MAP2: variants seen among roughly 807,000 people sequenced by gnomAD.
The protein encoded by MAP2 is microtubule-associated protein 2.
In MAP2, 14 loss-of-function variants were observed where a neutral mutation model predicts 137.6. That is an observed-to-expected ratio of 0.10 (90% CI 0.07 to 0.16). The LOEUF is 0.16. Among genes scored for constraint, MAP2 ranks in the 10% least tolerant of loss-of-function variants. The pLI is 1.00. For synonymous variants in MAP2, 786 were observed against 782.3 expected, an observed-to-expected ratio of 1.00 and a Z score of -0.08; for missense variants, 2,088 against 2,191.5, an observed-to-expected ratio of 0.95 and a Z score of 0.94.
At chr2:209,588,627 G>A (rs770818088) in intron 3 of MAP2, among the ~76,000 whole-genome samples, 10 of 151,916 alleles carry the variant, frequency 6.6e-5, no homozygotes, top group Admixed American at 1.3e-4. Context: ...CTATTTTCTT[G>A]CTTTTTATAT....
chr2:209,693,114 G>A lies in MAP2; in HGVS notation c.944G>A (p.Ser315Asn). The change falls in exon 8 of 16, where the codon AGT (serine) becomes AAT (asparagine). Residue 315 changes from serine to asparagine, a missense_variant. Ser to Asn is a conservative substitution (Grantham distance 46). Coordinates refer to ENST00000682079, the MANE Select transcript of MAP2 (RefSeq NM_001375505.1). Reference protein sequence around the residue: ...EGKQFDSPMPSPFQGGSFTLP... With the variant: ...EGKQFDSPMPNPFQGGSFTLP... ...AAACAGTTTGATTCTCCCATGCCAAGTCCCTTTCAAGGGGGAAGCTTCACT... is the reference window on the plus strand; with the variant it reads ...AAACAGTTTGATTCTCCCATGCCAAATCCCTTTCAAGGGGGAAGCTTCACT... 1.2e-6 allele frequency: 2 copies of A among 1,612,824 alleles called. No individual in the cohort carries two copies. The highest frequency in any genetic ancestry group is 1.7e-6 in the Non-Finnish European group (2 of 1,179,578).
intron 7 of MAP2, among the ~76,000 whole-genome samples, chr2:209,682,126 A>G (rs2153691444): frequency 6.6e-6 from 1 of 152,252 alleles, no homozygotes; most frequent in South Asian, 2.1e-4. Context: ...TTCACTGGGC[A>G]CATATTTATT....
intron 3 of MAP2, among the ~76,000 whole-genome samples, chr2:209,581,248 A>G (rs1275757395): frequency 6.6e-6 from 1 of 152,130 alleles, no homozygotes; most frequent in Admixed American, 6.6e-5. Flanking sequence ...TGCTGTGGGT[A>G]ATTATTGTGA....
intron 4 of MAP2, among the ~76,000 whole-genome samples, chr2:209,641,967 C>A (rs770976932): frequency 3.9e-5 from 6 of 152,064 alleles, no homozygotes; most frequent in Non-Finnish European, 8.8e-5. Context: ...AGCTCTAACC[C>A]TATTCCACCA....
At position 209,483,466 on chromosome 2, in the gene MAP2, C is replaced by G. The variant is rs75884611; in HGVS notation, c.-221-24126C>G. Among the ~76,000 whole-genome samples the G allele has an allele frequency of 6.2e-3, 944 of 152,258 alleles. 8 individuals carry two copies. Among genetic ancestry groups the G allele is most frequent in the African/African-American group, 0.022 (920 of 41,566 alleles). On this transcript the variant is annotated intron_variant, in intron 1 of 15. Transcript: ENST00000682079. ...GCCTGTGCCTGTAGACCCAGCTAGT[C>G]AAGAAGCTGAGGCTGGAGGATCCTT...
chr2:209,483,773 T>G (rs1413969223), intron 1 of MAP2, among the ~76,000 whole-genome samples: 1 of 152,224 alleles, frequency 6.6e-6, no homozygotes, highest in Non-Finnish European at 1.5e-5. Flanking sequence ...GGAAAAATTT[T>G]CAAGTCACAT....
intron 4 of MAP2, among the ~76,000 whole-genome samples, chr2:209,644,936 C>A (rs1024506731): frequency 1.3e-5 from 2 of 152,236 alleles, no homozygotes; most frequent in Non-Finnish European, 2.9e-5. Flanking sequence ...ATTCAAAATT[C>A]ATCAATAGCT....
chr2:209,585,027 G>A (rs1470020203), intron 3 of MAP2, among the ~76,000 whole-genome samples: 1 of 152,010 alleles, frequency 6.6e-6, no homozygotes, highest in African/African-American at 2.4e-5. Context: ...GTGAGAACAC[G>A]AATAAAAAAT....
At chr2:209,550,297 T>C (rs1329105907) in intron 2 of MAP2, among the ~76,000 whole-genome samples, 1 of 152,144 alleles carries the variant, frequency 6.6e-6, no homozygotes, top group Non-Finnish European at 1.5e-5. Flanking sequence ...AAAATGAATA[T>C]GCAGTGAATC....
chr2:209,545,170 A>G (rs1457352827), intron 2 of MAP2, among the ~76,000 whole-genome samples: 1 of 152,174 alleles, frequency 6.6e-6, no homozygotes, highest in Non-Finnish European at 1.5e-5. Context: ...TAGGTTATTT[A>G]TGCTCTACCA....
Position 209,653,444 on chromosome 2 carries a change from C to A in MAP2, c.262+12C>A. 1 of 1,575,946 alleles carries A rather than the reference C, an allele frequency of 6.3e-7. No homozygotes were observed. Among genetic ancestry groups the A allele is most frequent in the Non-Finnish European group, 8.6e-7 (1 of 1,160,950 alleles). The stretch of plus-strand genomic sequence containing the variant: ...CAGAGAAACAGCAGGTAACTAAGGG[C>A]TCTACTGTCACCAAGTGCTTGCTTT... On this transcript the variant is annotated intron_variant, in intron 5 of 15. Coordinates refer to ENST00000682079, the MANE Select transcript of MAP2 (RefSeq NM_001375505.1).
At chr2:209,430,039 A>G (rs1250004060) in intron 1 of MAP2, among the ~76,000 whole-genome samples, 2 of 151,872 alleles carry the variant, frequency 1.3e-5, no homozygotes, top group Non-Finnish European at 2.9e-5. Context: ...AAAATAATGT[A>G]TTAAGTAATA....
At chr2:209,434,036 A>G (rs1695042609) in intron 1 of MAP2, among the ~76,000 whole-genome samples, 1 of 152,108 alleles carries the variant, frequency 6.6e-6, no homozygotes, top group Non-Finnish European at 1.5e-5. Flanking sequence ...CTTCTTAGAG[A>G]CAATGGTCTA....
At chr2:209,663,769 A>C (rs1436623835) in intron 5 of MAP2, among the ~76,000 whole-genome samples, 2 of 152,152 alleles carry the variant, frequency 1.3e-5, no homozygotes, top group African/African-American at 4.8e-5. Flanking sequence ...GCATATGAGC[A>C]CCTCTGGTTC....
chr2:209,441,978 A>G (rs1224169121), intron 1 of MAP2, among the ~76,000 whole-genome samples: 1 of 151,576 alleles, frequency 6.6e-6, no homozygotes. Flanking sequence ...CCACATGGGA[A>G]CAAAACAGAA....
chr2:209,652,548 G>A (rs568675806), intron 4 of MAP2, among the ~76,000 whole-genome samples: 1 of 152,232 alleles, frequency 6.6e-6, no homozygotes, highest in Non-Finnish European at 1.5e-5. Flanking sequence ...ATCCAGAAAA[G>A]TGTATCTACC....
At chr2:209,715,409 T>C (rs949771960) in intron 13 of MAP2, among the ~76,000 whole-genome samples, 2 of 152,098 alleles carry the variant, frequency 1.3e-5, no homozygotes, top group African/African-American at 4.8e-5. Context: ...TACTACACCA[T>C]GCTATGTTCT....
intron 2 of MAP2, among the ~76,000 whole-genome samples, chr2:209,541,304 A>G (rs1215621054): frequency 6.6e-6 from 1 of 151,304 alleles, no homozygotes; most frequent in African/African-American, 2.5e-5. Flanking sequence ...TGCTGGGATT[A>G]CAGTCATGAG....
chr2:209,710,110 G>A lies in MAP2; in HGVS notation c.4929G>A (p.Lys1643=). ...KSAILVPSEK[K]VAIIRTPPKS... ...CCATCTTGGTGCCGAGTGAGAAGAAGGTCGCCATCATACGTACTCCTCCAA... is the reference window on the plus strand; with the variant it reads ...CCATCTTGGTGCCGAGTGAGAAGAAAGTCGCCATCATACGTACTCCTCCAA... The change falls in exon 13 of 16, where the codon AAG becomes AAA. Residue 1643 remains lysine, a synonymous_variant. Coordinates refer to ENST00000682079, the MANE Select transcript of MAP2 (RefSeq NM_001375505.1). The A allele has an allele frequency of 1.9e-6, 3 of 1,613,974 alleles. No homozygotes were observed. The highest frequency in any genetic ancestry group is 2.5e-6 in the Non-Finnish European group (3 of 1,180,010).
Sources: allele counts gnomAD v4.1 joint callset (sites outside exome capture counted in the v4.1 genomes callset), GRCh38; gene constraint gnomAD v4.1.1; transcripts MANE v1.5; gene names NCBI Gene and HGNC (gene_info 2026-07-23, HGNC 2026-07-21).